Variants in P3R3URF observed in about 807,000 individuals in gnomAD.
P3R3URF encodes the protein PIK3R3 upstream open reading frame, also known as P3R3URF protein.
P3R3URF carries 6 observed loss-of-function variants against 8.0 expected under a neutral mutation model. The ratio of observed to expected loss-of-function variants is 0.75; its 90% CI spans 0.41 to 1.47. The LOEUF is 1.47. Among genes scored for constraint, P3R3URF ranks in the 40% most tolerant of loss-of-function variants. P3R3URF has a pLI of 0.01. For missense variants in P3R3URF, 121 were observed against 117.3 expected, an observed-to-expected ratio of 1.03 and a Z score of -0.14; for synonymous variants, 39 against 36.7, an observed-to-expected ratio of 1.06 and a Z score of -0.23.
In P3R3URF at chr1:46,176,481, G is replaced by C. The variant is rs1343124258; in HGVS notation, c.-10C>G. ...GCCGAGATGGCCCCATGGGCACAGG[G>C]AGCTTCTGCAGTGTGCCTGGGGGGT... On this transcript the variant is annotated 5_prime_UTR_variant, in exon 1 of 2. Transcript: ENST00000506599. 1 of 1,535,474 alleles carries C rather than the reference G, an allele frequency of 6.5e-7. No homozygotes were observed. The highest frequency in any genetic ancestry group is 8.7e-7 in the Non-Finnish European group (1 of 1,146,760).
chr1:46,176,292 G>C lies in P3R3URF; in HGVS notation c.180C>G (p.Thr60=), dbSNP rs980322460. 1.3e-6 allele frequency: 2 copies of C among 1,535,788 alleles called. No individual in the cohort carries two copies. The highest frequency in any genetic ancestry group is 1.7e-6 in the Non-Finnish European group (2 of 1,146,912). ...TASSAAINPA[T]RAMGINNTHT... ...GGGTGTTGTTGATACCCATGGCCCT[G>C]GTGGCAGGATTGATGGCTGCACTGC... is the stretch of plus-strand genomic sequence containing the variant. Residue 60 remains threonine (T), a synonymous_variant, in exon 1 of 2, where the codon ACC becomes ACG. Transcript: ENST00000506599.
At chr1:46,175,728 G>C (rs1326388067) in intron 1 of P3R3URF, 99 bp from the exon 2 acceptor site, 1 of 400,444 alleles carries the variant, frequency 2.5e-6, no homozygotes, top group Non-Finnish European at 4.4e-6. Flanking sequence ...TCTGCTTCCA[G>C]CCAATCCATC....
chr1:46,176,384 G>A lies in P3R3URF; in HGVS notation c.88C>T (p.Arg30Ter), dbSNP rs184267116. The A allele has an allele frequency of 2.0e-5, 31 of 1,535,770 alleles. No individual in the cohort carries two copies. The highest frequency in any genetic ancestry group is 9.6e-5 in the African/African-American group (7 of 73,184). ...RRPGMGWPRP[R>*]FPRMFKCSRR... is the part of the protein sequence containing the mutation. The stretch of plus-strand genomic sequence containing the variant: ...CTACACTTGAACATCCTGGGAAATC[G>A]GGGCCTGGGCCAGCCCATACCTGGC... Residue 30 changes from arginine to a stop codon, truncating the protein, a stop_gained, in exon 1 of 2, where the codon CGA becomes TGA. Coordinates refer to ENST00000506599, the MANE Select transcript of P3R3URF (RefSeq NM_001328655.2). LOFTEE classifies it high-confidence loss of function.
Position 46,176,157 on chromosome 1 carries a change from G to C in P3R3URF, c.244+71C>G, listed in dbSNP as rs980145545. 21 of 1,513,692 alleles carry C rather than the reference G, an allele frequency of 1.4e-5. 1 individual carries two copies. The South Asian group carries it at 2.3e-4, about 17-fold the overall frequency. 93.8% of individuals were successfully genotyped at this position (1,513,692 alleles called of 1,614,324 possible). A position where few individuals can be genotyped will look rare whatever the true frequency, so the allele number is the denominator to read the frequency against. The stretch of plus-strand genomic sequence containing the variant: ...CCCAAAGTGCCGGGATTACAGGCAT[G>C]AGCCACCGCACCCAGCCTAGTGGCT... On this transcript the variant is annotated intron_variant, in intron 1 of 1. Transcript: ENST00000506599.
At chr1:46,176,014 A>G (rs1657136409) in intron 1 of P3R3URF, among the ~76,000 whole-genome samples, 2 of 152,150 alleles carry the variant, frequency 1.3e-5, no homozygotes, top group Non-Finnish European at 2.9e-5. Context: ...CTGGGACTAA[A>G]GGCGTGTGCC....
In P3R3URF at chr1:46,176,426, G is replaced by C; in HGVS notation, c.46C>G (p.Arg16Gly). ...ATACCTGGCCTGCGGTAGGGGGAACGCATGCCCTGGGGCCGAGGGCCACGG... is the reference window on the plus strand; with the variant it reads ...ATACCTGGCCTGCGGTAGGGGGAACCCATGCCCTGGGGCCGAGGGCCACGG... ...LVRGPRPQGM[R>G]SPYRRPGMGW... is the part of the protein sequence containing the mutation. Residue 16 changes from arginine to glycine, a missense_variant, in exon 1 of 2, where the codon CGT (arginine) becomes GGT (glycine). By Grantham distance (125) the Arg-to-Gly change is moderately radical. Coordinates refer to ENST00000506599, the MANE Select transcript of P3R3URF (RefSeq NM_001328655.2). The C allele has an allele frequency of 6.5e-7, 1 of 1,535,764 alleles. No individual in the cohort carries two copies. The highest frequency in any genetic ancestry group is 2.4e-5 in the East Asian group (1 of 40,912).
At chr1:46,176,152 G>C in intron 1 of P3R3URF, 76 bp downstream of exon 1, 1 of 1,498,828 alleles carries the variant, frequency 6.7e-7, no homozygotes, top group Non-Finnish European at 9.0e-7. Flanking sequence ...CGGGATTACA[G>C]GCATGAGCCA....
At chr1:46,175,941 T>C (rs970145333) in intron 1 of P3R3URF, 12 of 495,440 alleles carry the variant, frequency 2.4e-5, no homozygotes, top group Non-Finnish European at 7.2e-6. Context: ...GGCGCGATCT[T>C]GGCTCACTGC....
chr1:46,176,452 A>G lies in P3R3URF; in HGVS notation c.20T>C (p.Val7Ala), dbSNP rs933641381. The G allele has an allele frequency of 6.5e-6, 10 of 1,535,608 alleles. No individual in the cohort carries two copies. Among genetic ancestry groups the G allele is most frequent in the Non-Finnish European group, 8.7e-6 (10 of 1,146,908 alleles). The change falls in exon 1 of 2, where the codon GTC (valine) becomes GCC (alanine). Residue 7 changes from valine (V) to alanine (A), a missense_variant. Physicochemically the swap from Val to Ala is moderately conservative, Grantham distance 64. Transcript: ENST00000506599. ...CATGCCCTGGGGCCGAGGGCCACGG[A>G]CAAGCCGAGATGGCCCCATGGGCAC... Reference protein sequence around the residue: MGPSRLVRGPRPQGMRS... With the variant: MGPSRLARGPRPQGMRS...
rs1352281615 is a variant in P3R3URF at position 46,176,185 on chromosome 1, G to A, written c.244+43C>T. 3 of 1,532,740 alleles carry A rather than the reference G, an allele frequency of 2.0e-6. No homozygotes were observed. In the African/African-American group the frequency reaches 4.1e-5, roughly 21 times the overall value. The allele number at this position is 1,532,740 out of a possible 1,614,324, so 94.9% of individuals were successfully genotyped here. On this transcript the variant is annotated intron_variant, in intron 1 of 1. Coordinates refer to ENST00000506599, the MANE Select transcript of P3R3URF (RefSeq NM_001328655.2). ...CCACCGCACCCAGCCTAGTGGCTCT[G>A]TTTTTTAAAACCCCACCCTGGCTCA...
intron 1 of P3R3URF, among the ~76,000 whole-genome samples, chr1:46,176,019 T>C (rs974355251): frequency 3.9e-5 from 6 of 152,088 alleles, no homozygotes; most frequent in Non-Finnish European, 8.8e-5. Context: ...ACTAAAGGCG[T>C]GTGCCACCAC....
chr1:46,176,033 C>T (rs1231762675), intron 1 of P3R3URF, among the ~76,000 whole-genome samples, 195 bp downstream of exon 1: 2 of 152,132 alleles, frequency 1.3e-5, no homozygotes, highest in African/African-American at 2.4e-5. Context: ...CCACCACGCC[C>T]GGCTAATTTT....
rs191016871 is a variant in P3R3URF, at chr1:46,175,977, A to G, written c.244+251T>C. 1,289 of 524,794 alleles carry G rather than the reference A, an allele frequency of 2.5e-3. 6 individuals are homozygous for G. The highest frequency in any genetic ancestry group is 3.4e-3 in the South Asian group (148 of 43,576). 32.5% of individuals were successfully genotyped at this position (524,794 alleles called of 1,614,324 possible). A position where few individuals can be genotyped will look rare whatever the true frequency, so the allele number is the denominator to read the frequency against. ...AACCTCTGCCTCCCGGGTTCAAGCA[A>G]TTCTCCTGCCTCAGCCTCCCAAGTA... On this transcript the variant is annotated intron_variant, in intron 1 of 1. Transcript: ENST00000506599.
chr1:46,175,953 A>G, intron 1 of P3R3URF: 1 of 505,730 alleles, frequency 2.0e-6, no homozygotes, highest in Non-Finnish European at 3.5e-6. Flanking sequence ...GCTCACTGCA[A>G]CCTCTGCCTC....
At chr1:46,176,164 C>T (rs555541930) in intron 1 of P3R3URF, 64 bp downstream of exon 1, 249 of 1,519,832 alleles carry the variant, frequency 1.6e-4, no homozygotes, top group Admixed American at 4.5e-4. Context: ...CATGAGCCAC[C>T]GCACCCAGCC....
chr1:46,176,372 T>C lies in P3R3URF; in HGVS notation c.100A>G (p.Met34Val), dbSNP rs1423639330. The C allele has an allele frequency of 1.3e-6, 2 of 1,535,726 alleles. 1 individual carries two copies. The highest frequency in any genetic ancestry group is 1.7e-6 in the Non-Finnish European group (2 of 1,146,906). ...MGWPRPRFPR[M>V]FKCSRRRYQQ... ...TATCTTCTGCGGCTACACTTGAACA[T>C]CCTGGGAAATCGGGGCCTGGGCCAG... The change falls in exon 1 of 2, where the codon ATG becomes GTG. Residue 34 changes from methionine (M) to valine (V), a missense_variant. Physicochemically the swap from Met to Val is conservative, Grantham distance 21. Coordinates refer to ENST00000506599, the MANE Select transcript of P3R3URF (RefSeq NM_001328655.2).
At position 46,176,311 on chromosome 1, in the gene P3R3URF, G is replaced by A; in HGVS notation, c.161C>T (p.Ala54Val). 3 of 1,535,774 alleles carry A rather than the reference G, an allele frequency of 2.0e-6. No homozygotes were observed. Among genetic ancestry groups the A allele is most frequent in the Non-Finnish European group, 2.6e-6 (3 of 1,146,918 alleles). Residue 54 changes from alanine (A) to valine (V), a missense_variant, in exon 1 of 2, where the codon GCA (alanine) becomes GTA (valine). Ala to Val is a moderately conservative substitution (Grantham distance 64). Transcript: ENST00000506599. ...QGLRGRTASS[A>V]AINPATRAMG... is the part of the protein sequence containing the mutation. Reference sequence around the variant, plus strand: ...GGCCCTGGTGGCAGGATTGATGGCTGCACTGCTGGCAGTTCGACCTCGGAG... The same window carrying A: ...GGCCCTGGTGGCAGGATTGATGGCTACACTGCTGGCAGTTCGACCTCGGAG...
chr1:46,175,832 G>C, intron 1 of P3R3URF: 1 of 441,254 alleles, frequency 2.3e-6, no homozygotes, highest in East Asian at 3.4e-5. Context: ...CCTTTGGCGT[G>C]CCTAAACAGA....
In P3R3URF at chr1:46,176,167, A is replaced by G. The variant is rs188321630; in HGVS notation, c.244+61T>C. On this transcript the variant is annotated intron_variant, in intron 1 of 1. Coordinates refer to ENST00000506599, the MANE Select transcript of P3R3URF (RefSeq NM_001328655.2). ...CGGGATTACAGGCATGAGCCACCGC[A>G]CCCAGCCTAGTGGCTCTGTTTTTTA... The G allele has an allele frequency of 2.8e-3, 4,259 of 1,524,810 alleles. 12 individuals are homozygous for G. The highest frequency in any genetic ancestry group is 3.3e-3 in the Non-Finnish European group (3,735 of 1,138,282). The allele number at this position is 1,524,810 out of a possible 1,614,324, so 94.5% of individuals were successfully genotyped here.
Sources: gnomAD v4.1 joint callset for allele counts (sites outside exome capture counted in the v4.1 genomes callset) on GRCh38, gnomAD v4.1.1 for gene constraint, MANE v1.5 for transcripts, NCBI Gene and HGNC (gene_info 2026-07-23, HGNC 2026-07-21) for gene names.